The following CELF1 variants were observed in gnomAD, a reference collection of about 807,000 sequenced individuals.
CELF1 encodes 50 kDa nuclear polyadenylated RNA-binding protein.
In CELF1, 10 loss-of-function variants were observed where a neutral mutation model predicts 61.8. The observed-to-expected ratio is 0.16, with a 90% confidence interval of 0.10 to 0.27. The LOEUF is 0.27. Ranked by LOEUF, CELF1 falls within the 10% of genes least tolerant of loss-of-function variation. The pLI is 1.00. For synonymous variants in CELF1, 236 were observed against 225.1 expected (o/e 1.05, Z -0.43); for missense variants, 380 against 639.1 (o/e 0.59, Z 4.37).
chr11:47,527,719 C>G (rs1321135537), intron 1 of CELF1, among the ~76,000 whole-genome samples: 1 of 152,162 alleles, frequency 6.6e-6, no homozygotes, highest in Non-Finnish European at 1.5e-5. Context: ...AATTAATATG[C>G]TTTTTTCGTG....
chr11:47,563,133 T>G (rs974495188), intron 2 of CELF1, among the ~76,000 whole-genome samples: 1 of 151,934 alleles, frequency 6.6e-6, no homozygotes, highest in Non-Finnish European at 1.5e-5. Context: ...GGAGGACTGC[T>G]TGCACCCAAA....
intron 1 of CELF1, among the ~76,000 whole-genome samples, chr11:47,520,704 C>G (rs1391739703): frequency 1.3e-5 from 2 of 152,250 alleles, no homozygotes; most frequent in South Asian, 2.1e-4. Context: ...CCCAGCCACT[C>G]AGGAGGCTGA....
chr11:47,487,123 TACC>T (rs1565791157), intron 5 of CELF1, 33 bp downstream of exon 5: 2 of 1,504,154 alleles, frequency 1.3e-6, no homozygotes, highest in Admixed American at 3.4e-5. Flanking sequence ...ATATCAAAGT[TACC>T]ACATTTCCAT....
chr11:47,504,902 C>CAAAAAAAAAAA (rs374401044), intron 1 of CELF1, among the ~76,000 whole-genome samples: 1 of 107,932 alleles, frequency 9.3e-6, no homozygotes, highest in African/African-American at 3.6e-5. Flanking sequence ...ACTCTGTCAC[C>CAAAAAAAAAAA]AAAAAAAAAA....
chr11:47,474,259 C>G (rs1268289814), intron 13 of CELF1, among the ~76,000 whole-genome samples: 1 of 152,240 alleles, frequency 6.6e-6, no homozygotes, highest in African/African-American at 2.4e-5. Context: ...TCTCCAGCCA[C>G]CCTGGCCTCC....
rs910977715 is a variant in CELF1 at position 47,471,583 on chromosome 11, A to T, written c.*647T>A. 1.3e-5 allele frequency: 2 copies of T among 151,994 alleles called. No homozygotes were observed. Among genetic ancestry groups the T allele is most frequent in the African/African-American group, 2.4e-5 (1 of 41,386 alleles). 9.4% of individuals were successfully genotyped at this position (151,994 alleles called of 1,614,324 possible). On this transcript the variant is annotated 3_prime_UTR_variant, in exon 15 of 15. Coordinates refer to ENST00000687097, the MANE Select transcript of CELF1 (RefSeq NM_001376376.1). ...AGAGAATTGTTAATGCCCTTTTTTG[A>T]AAAGAGCAGCAGAAATTCCGGACAA...
At chr11:47,535,258 G>T (rs1211694587) in intron 1 of CELF1, among the ~76,000 whole-genome samples, 1 of 151,514 alleles carries the variant, frequency 6.6e-6, no homozygotes, top group Non-Finnish European at 1.5e-5. Context: ...TAAATGTGTT[G>T]AAAACCAAAC....
chr11:47,530,608 G>A (rs895726099), intron 1 of CELF1, among the ~76,000 whole-genome samples: 2 of 152,176 alleles, frequency 1.3e-5, no homozygotes, highest in African/African-American at 4.8e-5. Context: ...CGGTATCAGA[G>A]ACAAAAGGAT....
At chr11:47,512,982 A>C (rs1049325570) in intron 1 of CELF1, among the ~76,000 whole-genome samples, 2 of 152,228 alleles carry the variant, frequency 1.3e-5, no homozygotes, top group Non-Finnish European at 2.9e-5. Context: ...TCCTGAAAAC[A>C]AAATCCACAG....
chr11:47,551,554 AGGGTGATTCTATATT>A (rs373812725), intron 1 of CELF1, among the ~76,000 whole-genome samples: 8 of 152,322 alleles, frequency 5.3e-5, no homozygotes, highest in African/African-American at 1.9e-4. Context: ...TAAAACAGAA[AGGGTGATTCTATATT>A]GAGACGCCTT....
chr11:47,548,777 A>G (rs2097053914), intron 1 of CELF1, among the ~76,000 whole-genome samples: 1 of 151,446 alleles, frequency 6.6e-6, no homozygotes, highest in African/African-American at 2.4e-5. Flanking sequence ...AAGGCAGGAG[A>G]ATGGCTTGAA....
chr11:47,476,400 G>A (rs887695863), intron 12 of CELF1, among the ~76,000 whole-genome samples: 2 of 152,174 alleles, frequency 1.3e-5, no homozygotes, highest in Admixed American at 6.5e-5. Flanking sequence ...ACGGACACAG[G>A]TGGGATTTAA....
At chr11:47,507,285 G>C (rs951953653) in intron 1 of CELF1, among the ~76,000 whole-genome samples, 1 of 152,292 alleles carries the variant, frequency 6.6e-6, no homozygotes. Flanking sequence ...GCTAATGGCT[G>C]TATAATTCTT....
chr11:47,562,139 T>C (rs1394836681), intron 2 of CELF1, among the ~76,000 whole-genome samples: 5 of 151,218 alleles, frequency 3.3e-5, no homozygotes, highest in Non-Finnish European at 5.9e-5. Flanking sequence ...GGCAGGAGAA[T>C]TGCTTGAACC....
At chr11:47,539,639 A>C (rs2153718054) in intron 1 of CELF1, among the ~76,000 whole-genome samples, 1 of 152,338 alleles carries the variant, frequency 6.6e-6, no homozygotes, top group South Asian at 2.1e-4. Flanking sequence ...TCTAACTCAA[A>C]GTTATTTCGG....
chr11:47,553,211 T>A (rs547651924), upstream of CELF1: 33 of 385,850 alleles, frequency 8.6e-5, no homozygotes, highest in South Asian at 4.5e-3. Context: ...AGGGGGAACG[T>A]ATCACCGCGG....
intron 10 of CELF1, 141 bp from the exon 11 acceptor site, chr11:47,477,566 G>T: frequency 1.3e-6 from 1 of 759,808 alleles, no homozygotes. Context: ...CAACATTACA[G>T]GGCTCCAAAA....
chr11:47,540,823 T>G (rs1001737865), intron 1 of CELF1, among the ~76,000 whole-genome samples: 10 of 152,180 alleles, frequency 6.6e-5, no homozygotes, highest in Admixed American at 2.6e-4. Context: ...AGGTGGAGGC[T>G]GCAGTGAGCC....
chr11:47,474,085 G>A (rs765229509), intron 13 of CELF1, among the ~76,000 whole-genome samples: 25 of 152,076 alleles, frequency 1.6e-4, no homozygotes, highest in Admixed American at 7.2e-4. Context: ...TTTTAGTAGC[G>A]ATGGGGTTTC....
Sources: gnomAD v4.1 joint callset for allele counts (sites outside exome capture counted in the v4.1 genomes callset) on GRCh38, gnomAD v4.1.1 for gene constraint, MANE v1.5 for transcripts, NCBI Gene and HGNC (gene_info 2026-07-23, HGNC 2026-07-21) for gene names.